Variants in VIM observed in about 807,000 individuals in gnomAD.
VIM encodes epididymis secretory sperm binding protein.
A neutral mutation model predicts 50.3 loss-of-function variants in VIM; 18 were observed. The ratio of observed to expected loss-of-function variants is 0.36; its 90% CI spans 0.25 to 0.53. The LOEUF is 0.53. Among genes scored for constraint, VIM ranks in the 20% least tolerant of loss-of-function variants. The probability of loss-of-function intolerance (pLI) is 0.91; values close to 1 mark genes in which losing one functional copy is unlikely to be tolerated. For missense variants in VIM, 551 were observed against 614.7 expected (o/e 0.90, Z 1.10); for synonymous variants, 245 against 248.5 (o/e 0.99, Z 0.13).
Position 17,233,498 on chromosome 10 carries a change from G to T in VIM, c.625-89G>T. The T allele has an allele frequency of 2.3e-6, 3 of 1,317,734 alleles. No individual in the cohort carries two copies. In the South Asian group the frequency reaches 3.7e-5, roughly 16 times the overall value. 81.6% of individuals were successfully genotyped at this position (1,317,734 alleles called of 1,614,324 possible). The stretch of plus-strand genomic sequence containing the variant: ...CGGCTTTTCTATAGTAAGGAGACTA[G>T]GTTCAGATGGTTAATCTAAGACAAA... On this transcript the variant is annotated intron_variant, in intron 3 of 9. Transcript: ENST00000544301.
In VIM at chr10:17,229,788, C is replaced by A; in HGVS notation, c.366C>A (p.Arg122=). 6.3e-7 allele frequency: 1 copy of A among 1,593,804 alleles called. No individual in the cohort carries two copies. The highest frequency in any genetic ancestry group is 1.1e-5 in the South Asian group (1 of 88,202). The change falls in exon 2 of 10, where the codon CGC becomes CGA. Residue 122 remains arginine, a synonymous_variant. Transcript: ENST00000544301. ...TCGCCAACTACATCGACAAGGTGCG[C>A]TTCCTGGAGCAGCAGAATAAGATCC... ...DRFANYIDKV[R]FLEQQNKILL...
chr10:17,232,710 G>C (rs1374122737), intron 3 of VIM, among the ~76,000 whole-genome samples: 1 of 152,172 alleles, frequency 6.6e-6, no homozygotes, highest in Non-Finnish European at 1.5e-5. Flanking sequence ...CTTGTACAAT[G>C]GATGCCAGAT....
rs756019006 is a variant in VIM at position 17,237,235 on chromosome 10, C to T, written c.1365C>T (p.Ile455=). The T allele has an allele frequency of 4.4e-6, 7 of 1,603,114 alleles. No individual in the cohort carries two copies. The highest frequency in any genetic ancestry group is 2.2e-5 in the East Asian group (1 of 44,778). Residue 455 remains isoleucine (I), a synonymous_variant, in exon 10 of 10, where the codon ATC becomes ATT. Coordinates refer to ENST00000544301, the MANE Select transcript of VIM (RefSeq NM_003380.5). ...KTVETRDGQV[I]NETSQHHDDL... ...TGGTTTTTTTTTTTAAACAGGTTAT[C>T]AACGAAACTTCTCAGCATCACGATG...
chr10:17,233,412 C>T, intron 3 of VIM, 175 bp from the exon 4 acceptor site: 1 of 632,714 alleles, frequency 1.6e-6, no homozygotes, highest in South Asian at 1.8e-5. Flanking sequence ...CAGGAGAAAG[C>T]ACAGCATATT....
At position 17,235,302 on chromosome 10, in the gene VIM, G is replaced by T. The variant is rs35157876; in HGVS notation, c.1142G>T (p.Arg381Leu). The T allele has an allele frequency of 6.2e-7, 1 of 1,614,066 alleles. No individual in the cohort carries two copies. Among genetic ancestry groups the T allele is most frequent in the Non-Finnish European group, 8.5e-7 (1 of 1,180,042 alleles). ...NMKEEMARHLREYQDLLNVKM... is the reference protein window; with the variant it reads ...NMKEEMARHLLEYQDLLNVKM... The stretch of plus-strand genomic sequence containing the variant: ...AAGGAGGAAATGGCTCGTCACCTTC[G>T]TGAATACCAAGACCTGCTCAATGTT... Residue 381 changes from arginine to leucine, a missense_variant, in exon 7 of 10, where the codon CGT becomes CTT. By Grantham distance (102) the Arg-to-Leu change is moderately radical. Transcript: ENST00000544301.
At position 17,234,768 on chromosome 10, in the gene VIM, C is replaced by T; in HGVS notation, c.958C>T (p.Arg320Trp). Residue 320 changes from arginine to tryptophan, a missense_variant, in exon 6 of 10, where the codon CGG becomes TGG. By Grantham distance (101) the Arg-to-Trp change is moderately radical. Coordinates refer to ENST00000544301, the MANE Select transcript of VIM (RefSeq NM_003380.5). ...GGCAAAGCAGGAGTCCACTGAGTAC[C>T]GGAGACAGGTGCAGTCCCTCACCTG... ...RQAKQESTEY[R>W]RQVQSLTCEV... The T allele has an allele frequency of 2.5e-6, 4 of 1,614,090 alleles. No individual in the cohort carries two copies. Among genetic ancestry groups the T allele is most frequent in the Non-Finnish European group, 2.5e-6 (3 of 1,180,026 alleles).
intron 8 of VIM, 75 bp downstream of exon 8, chr10:17,235,964 T>C: frequency 6.7e-7 from 1 of 1,484,630 alleles, no homozygotes; most frequent in Non-Finnish European, 9.4e-7. Flanking sequence ...GCATTCATTT[T>C]TTTTAGGATA....
intron 6 of VIM, 110 bp from the exon 7 acceptor site, chr10:17,235,059 G>C (rs1454170760): frequency 7.6e-7 from 1 of 1,314,642 alleles, no homozygotes; most frequent in East Asian, 2.4e-5. Context: ...AAATTAGAGT[G>C]GTCGCCATTT....
chr10:17,230,107 C>A, intron 2 of VIM, 122 bp downstream of exon 2: 2 of 1,250,998 alleles, frequency 1.6e-6, no homozygotes, highest in Non-Finnish European at 1.1e-6. Context: ...GGAGGCCTGC[C>A]AGGGAGACAG....
At chr10:17,232,625 T>C (rs1588734119) in intron 3 of VIM, among the ~76,000 whole-genome samples, 1 of 152,234 alleles carries the variant, frequency 6.6e-6, no homozygotes, top group East Asian at 1.9e-4. Context: ...CAGAGTTACA[T>C]TTCTTTTCCA....
intron 9 of VIM, among the ~76,000 whole-genome samples, 184 bp from the exon 10 acceptor site, chr10:17,237,046 G>A (rs1374793490): frequency 6.6e-6 from 1 of 152,104 alleles, no homozygotes; most frequent in Non-Finnish European, 1.5e-5. Flanking sequence ...TATATTGCCT[G>A]TAGTGGAAGA....
At chr10:17,234,344 A>T (rs1846850119) in intron 5 of VIM, among the ~76,000 whole-genome samples, 1 of 151,960 alleles carries the variant, frequency 6.6e-6, no homozygotes, top group Admixed American at 6.6e-5. Flanking sequence ...CAAACTCCTG[A>T]CCTCAGGTGA....
intron 2 of VIM, chr10:17,230,324 C>T (rs1223435375): frequency 1.1e-5 from 6 of 569,082 alleles, no homozygotes; most frequent in South Asian, 2.0e-5. Flanking sequence ...TTTCCTGCCC[C>T]TTCTGGCAGG....
At chr10:17,237,144 C>A in intron 9 of VIM, 86 bp from the exon 10 acceptor site, 1 of 1,201,710 alleles carries the variant, frequency 8.3e-7, no homozygotes, top group Non-Finnish European at 1.2e-6. Context: ...ATATATTTAG[C>A]AGGATTTTTA....
Position 17,229,308 on chromosome 10 carries a change from C to G in VIM, c.-115C>G. 8.8e-7 allele frequency: 1 copy of G among 1,136,178 alleles called. No homozygotes were observed. Among genetic ancestry groups the G allele is most frequent in the Non-Finnish European group, 1.3e-6 (1 of 794,920 alleles). 70.4% of individuals were successfully genotyped at this position (1,136,178 alleles called of 1,614,324 possible). ...CCACTCTCGCTCCGAGGTCCCCGCG[C>G]CAGAGACGCAGCCGCGCTCCCACCA... On this transcript the variant is annotated 5_prime_UTR_variant, in exon 2 of 10. Transcript: ENST00000544301.
chr10:17,235,541 A>G, intron 7 of VIM, 152 bp downstream of exon 7: 1 of 896,858 alleles, frequency 1.1e-6, no homozygotes. Flanking sequence ...TTGAATTGAG[A>G]GAGAGTAAGT....
chr10:17,236,797 C>T (rs1261341727), intron 9 of VIM, among the ~76,000 whole-genome samples: 2 of 152,140 alleles, frequency 1.3e-5, no homozygotes, highest in Non-Finnish European at 2.9e-5. Context: ...AAGCATGTGC[C>T]ATACGATCAT....
chr10:17,230,049 C>G (rs1846757893), intron 2 of VIM, 64 bp downstream of exon 2: 2 of 1,512,764 alleles, frequency 1.3e-6, no homozygotes, highest in African/African-American at 2.8e-5. Context: ...GGGGAACGCC[C>G]CCCCGGCCCC....
chr10:17,236,025 C>A (rs1382480190), intron 8 of VIM, 136 bp downstream of exon 8: 3 of 974,104 alleles, frequency 3.1e-6, no homozygotes, highest in Admixed American at 2.1e-5. Context: ...CTATAATTTT[C>A]GAACCCAAGT....
Sources: gnomAD v4.1 joint callset for allele counts (sites outside exome capture counted in the v4.1 genomes callset) on GRCh38, gnomAD v4.1.1 for gene constraint, MANE v1.5 for transcripts, NCBI Gene and HGNC (gene_info 2026-07-23, HGNC 2026-07-21) for gene names.